The following KCNMA1 variants were observed in gnomAD, a reference collection of about 807,000 sequenced individuals.
The protein encoded by KCNMA1 is Calcium-activated potassium channel subunit alpha-1.
In KCNMA1, 29 loss-of-function variants were observed where a neutral mutation model predicts 140.0. That is an observed-to-expected ratio of 0.21 (90% CI 0.15 to 0.28). KCNMA1 has a LOEUF of 0.28. Ranked by LOEUF, KCNMA1 falls within the 10% of genes least tolerant of loss-of-function variation. KCNMA1 has a pLI of 1.00. For synonymous variants in KCNMA1, 612 were observed against 611.9 expected (o/e 1.00, Z 0.00); for missense variants, 880 against 1,602.2 (o/e 0.55, Z 7.70).
intron 23 of KCNMA1, among the ~76,000 whole-genome samples, chr10:76,916,324 C>A (rs929265974): frequency 6.6e-6 from 1 of 152,178 alleles, no homozygotes. Context: ...AAGCCAAGTA[C>A]ATACCTGGAT....
chr10:76,926,843 T>C (rs1262614506), intron 23 of KCNMA1, among the ~76,000 whole-genome samples: 2 of 152,102 alleles, frequency 1.3e-5, no homozygotes, highest in Non-Finnish European at 2.9e-5. Flanking sequence ...GCGCACCAAA[T>C]ACATTAAACC....
chr10:77,272,753 T>C (rs1463953439), intron 2 of KCNMA1, among the ~76,000 whole-genome samples: 1 of 152,216 alleles, frequency 6.6e-6, no homozygotes, highest in African/African-American at 2.4e-5. Flanking sequence ...AGAATAATGC[T>C]AAATGTTAGA....
chr10:77,225,494 A>G (rs2051026129), intron 3 of KCNMA1, among the ~76,000 whole-genome samples: 1 of 151,996 alleles, frequency 6.6e-6, no homozygotes, highest in African/African-American at 2.4e-5. Context: ...TCACAGCAAA[A>G]ACCATGTCCA....
chr10:77,512,874 C>T (rs1454327774), intron 1 of KCNMA1, among the ~76,000 whole-genome samples: 2 of 152,186 alleles, frequency 1.3e-5, no homozygotes, highest in Non-Finnish European at 2.9e-5. Context: ...AAGTCCAAGC[C>T]ACCGTTCCAC....
At chr10:77,163,300 C>T (rs1017532864) in intron 5 of KCNMA1, among the ~76,000 whole-genome samples, 4 of 152,170 alleles carry the variant, frequency 2.6e-5, no homozygotes, top group African/African-American at 7.2e-5. Context: ...CAGCTATGTC[C>T]ACTCTTTTAC....
intron 2 of KCNMA1, chr10:77,354,372 ACTGG>A (rs1239442607): frequency 6.6e-6 from 1 of 152,240 alleles, no homozygotes; most frequent in African/African-American, 2.4e-5. Flanking sequence ...GTTTGTCACC[ACTGG>A]CTAATGGCTT....
chr10:76,952,910 C>T (rs985583986), intron 21 of KCNMA1, among the ~76,000 whole-genome samples: 1 of 152,188 alleles, frequency 6.6e-6, no homozygotes, highest in Admixed American at 6.5e-5. Flanking sequence ...GGAGAAAGAA[C>T]CCTTCCATCT....
Position 77,139,786 on chromosome 10 carries a change from C to A in KCNMA1, c.809-18738G>T, listed in dbSNP as rs565103979. Among the ~76,000 whole-genome samples the A allele has an allele frequency of 2.0e-5, 3 of 152,258 alleles. No homozygotes were observed. The South Asian group carries it at 6.2e-4, about 32-fold the overall frequency. ...AAGAAAATCTGCCTAGAAAACTATT[C>A]TTATGATCTCTGCTGGGTAAGAATA... On this transcript the variant is annotated intron_variant, in intron 5 of 27. Coordinates refer to ENST00000286628, the MANE Select transcript of KCNMA1 (RefSeq NM_001161352.2).
intron 1 of KCNMA1, among the ~76,000 whole-genome samples, chr10:77,556,018 G>A (rs1181681795): frequency 6.6e-6 from 1 of 152,162 alleles, no homozygotes; most frequent in East Asian, 1.9e-4. Flanking sequence ...TTTCAAAGAG[G>A]ATGGCATAAG....
chr10:77,359,378 T>C (rs2093758593), intron 2 of KCNMA1, among the ~76,000 whole-genome samples: 1 of 152,166 alleles, frequency 6.6e-6, no homozygotes, highest in Non-Finnish European at 1.5e-5. Flanking sequence ...GAATGTGGCA[T>C]CTGTCGGGCT....
intron 1 of KCNMA1, among the ~76,000 whole-genome samples, chr10:77,440,389 G>GT (rs1333164428): frequency 1.3e-5 from 2 of 152,196 alleles, no homozygotes; most frequent in Admixed American, 1.3e-4. Flanking sequence ...ACAGGGTTAA[G>GT]TAAGAGGCAG....
chr10:77,636,198 C>CT (rs2093704444), intron 1 of KCNMA1: 7 of 1,426,450 alleles, frequency 4.9e-6, no homozygotes, highest in Non-Finnish European at 6.4e-6. Context: ...GGCTCACTCT[C>CT]TTTTTTCCAG....
At chr10:76,890,615 C>T (rs563148826) in intron 26 of KCNMA1, among the ~76,000 whole-genome samples, 4 of 152,288 alleles carry the variant, frequency 2.6e-5, no homozygotes, top group Admixed American at 1.3e-4. Flanking sequence ...GAGACAGACC[C>T]TTTCCTTGGC....
chr10:77,430,786 G>A (rs979245972), intron 1 of KCNMA1, among the ~76,000 whole-genome samples: 7 of 152,226 alleles, frequency 4.6e-5, no homozygotes, highest in African/African-American at 7.2e-5. Flanking sequence ...AAGCTGATTC[G>A]TCTTTGTATC....
Position 77,052,145 on chromosome 10 carries a change from G to A in KCNMA1, c.1750-12508C>T, listed in dbSNP as rs570631823. The stretch of plus-strand genomic sequence containing the variant: ...GCTTCCTATTGCTTAGCTGCTGCTA[G>A]AAAAGGCTGGAACATCAGTGATCAT... On this transcript the variant is annotated intron_variant, in intron 14 of 27. Transcript: ENST00000286628. Among the ~76,000 whole-genome samples the A allele has an allele frequency of 9.8e-5, 15 of 152,286 alleles. No homozygotes were observed. The East Asian group carries it at 2.7e-3, about 27-fold the overall frequency.
chr10:76,911,743 G>C (rs1034080661), intron 24 of KCNMA1: 7 of 152,164 alleles, frequency 4.6e-5, no homozygotes, highest in African/African-American at 1.7e-4. Flanking sequence ...TCTTGCTCAG[G>C]GGTCTTTCAA....
chr10:77,237,189 T>C (rs2055809869), intron 3 of KCNMA1, among the ~76,000 whole-genome samples: 1 of 152,220 alleles, frequency 6.6e-6, no homozygotes, highest in African/African-American at 2.4e-5. Context: ...CTTTTTTTGG[T>C]CATGTTCAAG....
At chr10:77,155,201 T>C (rs575935684) in intron 5 of KCNMA1, among the ~76,000 whole-genome samples, 1 of 152,288 alleles carries the variant, frequency 6.6e-6, no homozygotes, top group African/African-American at 2.4e-5. Context: ...AGGGTTGACA[T>C]TTTAAAAGAT....
At position 77,514,898 on chromosome 10, in the gene KCNMA1, G is replaced by GT. The variant is rs201683797; in HGVS notation, c.379-110876dup. Among the ~76,000 whole-genome samples, 708 of 150,576 alleles carry GT rather than the reference G, an allele frequency of 4.7e-3. 7 individuals carry two copies. Among genetic ancestry groups the GT allele is most frequent in the South Asian group, 0.027 (127 of 4,736 alleles). The stretch of plus-strand genomic sequence containing the variant: ...GAAACCAGGAGCTACTGCCTGTTTT[G>GT]TTTTTTTTTGTTTTTTTTCCAGTAA... On this transcript the variant is annotated intron_variant, in intron 1 of 27. Coordinates refer to ENST00000286628, the MANE Select transcript of KCNMA1 (RefSeq NM_001161352.2).
Sources: allele counts gnomAD v4.1 joint callset (sites outside exome capture counted in the v4.1 genomes callset), GRCh38; gene constraint gnomAD v4.1.1; transcripts MANE v1.5; gene names NCBI Gene and HGNC (gene_info 2026-07-23, HGNC 2026-07-21).